Variants in ANKS1B observed in about 807,000 individuals in gnomAD.
ANKS1B encodes the protein ankyrin repeat and sterile alpha motif domain-containing protein 1B.
In ANKS1B, 36 loss-of-function variants were observed where a neutral mutation model predicts 148.3. That is an observed-to-expected ratio of 0.24 (90% CI 0.19 to 0.32). The LOEUF is 0.32. Ranked by LOEUF, ANKS1B falls within the 10% of genes least tolerant of loss-of-function variation. The pLI is 1.00. For synonymous variants in ANKS1B, 542 were observed against 560.8 expected (o/e 0.97, Z 0.47); for missense variants, 1,157 against 1,542.6 (o/e 0.75, Z 4.19).
At chr12:99,573,724 G>GA (rs1282124084) in intron 9 of ANKS1B, among the ~76,000 whole-genome samples, 3 of 151,338 alleles carry the variant, frequency 2.0e-5, no homozygotes, top group East Asian at 3.9e-4. Context: ...AAATAAAATA[G>GA]AAAAAAAATC....
Position 99,453,131 on chromosome 12 carries a change from A to T in ANKS1B, c.1439-9322T>A, listed in dbSNP as rs2095783379. ...TGGTGAAACCCCGTCTCTACTAAAAATACAAAAAATTAGCCAGGCGTGGTG... is the reference window on the plus strand; with the variant it reads ...TGGTGAAACCCCGTCTCTACTAAAATTACAAAAAATTAGCCAGGCGTGGTG... On this transcript the variant is annotated intron_variant, in intron 10 of 26. Coordinates refer to ENST00000683438, the MANE Select transcript of ANKS1B (RefSeq NM_001352186.2). 2.0e-5 allele frequency among the ~76,000 whole-genome samples: 3 copies of T among 152,088 alleles called. No individual in the cohort carries two copies. The South Asian group carries it at 6.2e-4, about 32-fold the overall frequency.
chr12:99,336,573 T>C (rs1184328261), intron 12 of ANKS1B, among the ~76,000 whole-genome samples: 1 of 152,138 alleles, frequency 6.6e-6, no homozygotes, highest in African/African-American at 2.4e-5. Context: ...TCTAGTTTCA[T>C]TCTTCTCGTA....
At chr12:98,782,016 G>T in intron 23 of ANKS1B, 110 bp downstream of exon 23, 1 of 939,122 alleles carries the variant, frequency 1.1e-6, no homozygotes, top group Non-Finnish European at 1.6e-6. Context: ...TTTAGTATGT[G>T]CCTTTCCTGT....
intron 9 of ANKS1B, among the ~76,000 whole-genome samples, chr12:99,538,883 T>C (rs1238307805): frequency 2.0e-5 from 3 of 152,176 alleles, no homozygotes; most frequent in African/African-American, 7.2e-5. Flanking sequence ...GTCTTTCATA[T>C]ATGGCTTTAA....
At chr12:99,495,132 G>A in intron 10 of ANKS1B, among the ~76,000 whole-genome samples, 1 of 152,162 alleles carries the variant, frequency 6.6e-6, no homozygotes, top group Non-Finnish European at 1.5e-5. Context: ...ATGAATTAAT[G>A]AATGTTTACC....
intron 8 of ANKS1B, among the ~76,000 whole-genome samples, chr12:99,710,209 T>C (rs548900464): frequency 7.9e-5 from 12 of 152,136 alleles, no homozygotes; most frequent in Non-Finnish European, 1.5e-4. Flanking sequence ...GAAGACAAGA[T>C]TGTCATTTCA....
chr12:98,839,495 G>C (rs965345703), intron 17 of ANKS1B, among the ~76,000 whole-genome samples: 1 of 152,048 alleles, frequency 6.6e-6, no homozygotes, highest in African/African-American at 2.4e-5. Flanking sequence ...AGAATGACTA[G>C]GAAGCTTATC....
At chr12:99,962,804 G>A (rs895844193) in intron 1 of ANKS1B, among the ~76,000 whole-genome samples, 6 of 144,436 alleles carry the variant, frequency 4.2e-5, no homozygotes, top group African/African-American at 1.5e-4. Flanking sequence ...GATCAGTGAT[G>A]TTGAGCTTTT....
intron 9 of ANKS1B, among the ~76,000 whole-genome samples, chr12:99,647,252 T>C (rs930931272): frequency 5.9e-5 from 9 of 152,094 alleles, no homozygotes; most frequent in African/African-American, 2.2e-4. Context: ...TGTCAATAAA[T>C]AGGAAAACTA....
intron 1 of ANKS1B, among the ~76,000 whole-genome samples, chr12:99,946,495 GC>G (rs2095065259): frequency 6.6e-6 from 1 of 152,146 alleles, no homozygotes; most frequent in Admixed American, 6.5e-5. Flanking sequence ...AAAGCTCTAA[GC>G]CCATCATGAG....
chr12:99,242,127 T>A (rs181706687), intron 14 of ANKS1B, among the ~76,000 whole-genome samples: 4 of 152,354 alleles, frequency 2.6e-5, no homozygotes, highest in Admixed American at 2.6e-4. Context: ...ATGATATGAT[T>A]GTATATTTAG....
chr12:99,144,015 T>A lies in ANKS1B; in HGVS notation c.2526+10274A>T, dbSNP rs113390185. Among the ~76,000 whole-genome samples the A allele has an allele frequency of 9.6e-3, 1,464 of 152,234 alleles. 30 individuals are homozygous for A. The highest frequency in any genetic ancestry group is 0.033 in the African/African-American group (1,387 of 41,570). On this transcript the variant is annotated intron_variant, in intron 15 of 26. Transcript: ENST00000683438. The stretch of plus-strand genomic sequence containing the variant: ...TCTTTCTATAACTAAGTTTTGCCCT[T>A]GTAAAACTGGAATAATACTACATAC...
intron 16 of ANKS1B, among the ~76,000 whole-genome samples, chr12:99,080,218 AC>A (rs148199386): frequency 0.11 from 16,280 of 152,210 alleles, 1,075 homozygotes; most frequent in South Asian, 0.22. Context: ...AGGCAAATGA[AC>A]CCAGTTTGGT....
intron 26 of ANKS1B, 117 bp from the exon 27 acceptor site, chr12:98,745,966 G>A (rs2097877247): frequency 2.8e-6 from 3 of 1,082,440 alleles, no homozygotes; most frequent in Non-Finnish European, 3.8e-6. Flanking sequence ...GGGCGGCGAT[G>A]CTGGTCTAGG....
At chr12:98,944,839 T>G (rs2099842629) in intron 17 of ANKS1B, among the ~76,000 whole-genome samples, 1 of 152,242 alleles carries the variant, frequency 6.6e-6, no homozygotes, top group Non-Finnish European at 1.5e-5. Flanking sequence ...GCTCATGAGT[T>G]ATCTCCATGA....
chr12:98,868,912 T>G (rs995700215), intron 17 of ANKS1B, among the ~76,000 whole-genome samples: 1 of 152,274 alleles, frequency 6.6e-6, no homozygotes, highest in Non-Finnish European at 1.5e-5. Context: ...CTTGATGTAC[T>G]GTTCTCATCT....
At chr12:99,759,884 T>C (rs2061920927) in intron 8 of ANKS1B, among the ~76,000 whole-genome samples, 1 of 151,806 alleles carries the variant, frequency 6.6e-6, no homozygotes. Flanking sequence ...CTCAGGAAAA[T>C]TCTAACAGCT....
At chr12:99,202,733 A>T (rs2082211945) in intron 14 of ANKS1B, among the ~76,000 whole-genome samples, 1 of 152,156 alleles carries the variant, frequency 6.6e-6, no homozygotes, top group Admixed American at 6.5e-5. Flanking sequence ...AAAACAACAA[A>T]CACTTTATTT....
At chr12:99,569,674 C>G (rs530255434) in intron 9 of ANKS1B, among the ~76,000 whole-genome samples, 1 of 152,154 alleles carries the variant, frequency 6.6e-6, no homozygotes, top group South Asian at 2.1e-4. Flanking sequence ...CTACAGGGAT[C>G]GCCTTAGTTG....
Sources: gnomAD v4.1 joint callset for allele counts (sites outside exome capture counted in the v4.1 genomes callset) on GRCh38, gnomAD v4.1.1 for gene constraint, MANE v1.5 for transcripts, NCBI Gene and HGNC (gene_info 2026-07-23, HGNC 2026-07-21) for gene names.